Variants in VPS13D observed in about 807,000 individuals in gnomAD.
VPS13D encodes the protein intermembrane lipid transfer protein VPS13D.
A neutral mutation model predicts 461.9 loss-of-function variants in VPS13D; 187 were observed. That is an observed-to-expected ratio of 0.40 (90% CI 0.36 to 0.46). VPS13D has a LOEUF of 0.46. Among genes scored for constraint, VPS13D ranks in the 20% least tolerant of loss-of-function variants. VPS13D has a pLI of 0.60. For missense variants in VPS13D, 4,711 were observed against 5,364.9 expected (o/e 0.88, Z 3.81); for synonymous variants, 1,951 against 1,986.3 (o/e 0.98, Z 0.47).
intron 17 of VPS13D, 114 bp from the exon 18 acceptor site, chr1:12,272,889 T>C (rs1405595466): frequency 2.2e-5 from 32 of 1,431,080 alleles, no homozygotes; most frequent in Non-Finnish European, 2.4e-5. Context: ...TGTAATACAT[T>C]AGATCACTGA....
At chr1:12,268,425 T>C (rs1286230366) in intron 15 of VPS13D, among the ~76,000 whole-genome samples, 1 of 152,036 alleles carries the variant, frequency 6.6e-6, no homozygotes, top group African/African-American at 2.4e-5. Context: ...CCTCTCTCAG[T>C]GGAGCTGCGA....
chr1:12,400,353 T>G, intron 61 of VPS13D, 23 bp downstream of exon 61: 1 of 1,612,702 alleles, frequency 6.2e-7, no homozygotes, highest in Non-Finnish European at 8.5e-7. Flanking sequence ...AGGAGGCTGG[T>G]GGGTTGATGC....
At chr1:12,312,048 T>C (rs555815253) in intron 29 of VPS13D, 123 bp downstream of exon 29, 4 of 623,502 alleles carry the variant, frequency 6.4e-6, no homozygotes, top group African/African-American at 4.1e-5. Flanking sequence ...GTCTGCAGAG[T>C]GTCTTTTGGT....
In VPS13D at chr1:12,474,000, G is replaced by A. The variant is rs1490076905; in HGVS notation, c.12662+13604G>A. 6.6e-6 allele frequency among the ~76,000 whole-genome samples: 1 copy of A among 152,166 alleles called. No homozygotes were observed. The highest frequency in any genetic ancestry group is 6.5e-5 in the Admixed American group (1 of 15,276). On this transcript the variant is annotated intron_variant, in intron 67 of 69. Coordinates refer to ENST00000620676, the MANE Select transcript of VPS13D (RefSeq NM_015378.4). The surrounding 1 kb of genome is among the most constrained non-coding windows in gnomAD (Gnocchi z 4.2). ...GAAGAGCAGGTGACCCCAAACTATT[G>A]TTAGTGTCTGCTGTAAATGATATGC...
At chr1:12,345,160 T>C in intron 42 of VPS13D, 1 of 488,292 alleles carries the variant, frequency 2.0e-6, no homozygotes. Flanking sequence ...CCACTCTTAC[T>C]CAGTCAAGCT....
At chr1:12,302,374 G>A (rs1324202018) in intron 25 of VPS13D, among the ~76,000 whole-genome samples, 5 of 152,160 alleles carry the variant, frequency 3.3e-5, no homozygotes, top group Non-Finnish European at 7.3e-5. Context: ...TCCTAAAAAG[G>A]TACTGGCCAG....
At chr1:12,244,778 G>C (rs1262544558) in intron 5 of VPS13D, among the ~76,000 whole-genome samples, 161 bp downstream of exon 5, 1 of 152,148 alleles carries the variant, frequency 6.6e-6, no homozygotes, top group African/African-American at 2.4e-5. Flanking sequence ...TGTGCCAAGA[G>C]GAAAACCTGA....
At chr1:12,314,461 A>G in intron 30 of VPS13D, 134 bp downstream of exon 30, 1 of 819,980 alleles carries the variant, frequency 1.2e-6, no homozygotes, top group African/African-American at 1.7e-5. Flanking sequence ...TAATCAGTGC[A>G]GTGTACTGTA....
At chr1:12,381,979 T>TCC in intron 57 of VPS13D, among the ~76,000 whole-genome samples, 1 of 141,162 alleles carries the variant, frequency 7.1e-6, no homozygotes, top group Admixed American at 7.3e-5. Flanking sequence ...TCTTTCTTTC[T>TCC]TTCTCTCTCT....
Position 12,279,678 on chromosome 1 carries a change from C to T in VPS13D, c.4602+28C>T. The stretch of plus-strand genomic sequence containing the variant: ...AAATTCATGTCAGGGCAGTTGAAGT[C>T]ATATGTTTATATTAGTACTCTATAA... On this transcript the variant is annotated intron_variant, in intron 20 of 69. Transcript: ENST00000620676. This position sits in a 1 kb window ranked among gnomAD's most constrained non-coding sequence, Gnocchi z 4.3. The T allele has an allele frequency of 1.3e-6, 2 of 1,593,152 alleles. No individual in the cohort carries two copies. Among genetic ancestry groups the T allele is most frequent in the Non-Finnish European group, 1.7e-6 (2 of 1,166,040 alleles).
intron 62 of VPS13D, among the ~76,000 whole-genome samples, chr1:12,403,181 A>T (rs915005889): frequency 6.6e-6 from 1 of 152,258 alleles, no homozygotes; most frequent in African/African-American, 2.4e-5. Flanking sequence ...TTGGATGTGC[A>T]TACAGCATCA....
chr1:12,333,615 G>T (rs934180188), intron 38 of VPS13D, among the ~76,000 whole-genome samples: 10 of 152,202 alleles, frequency 6.6e-5, no homozygotes, highest in African/African-American at 2.4e-4. Context: ...GTAAATGGCC[G>T]TGATGGACTT....
chr1:12,390,315 C>G (rs1324742152), intron 60 of VPS13D, among the ~76,000 whole-genome samples: 3 of 152,114 alleles, frequency 2.0e-5, no homozygotes, highest in African/African-American at 7.2e-5. Flanking sequence ...GAACTTTGCC[C>G]CAGCTATTAT....
At chr1:12,329,195 A>G (rs2101549031) in intron 36 of VPS13D, among the ~76,000 whole-genome samples, 1 of 152,160 alleles carries the variant, frequency 6.6e-6, no homozygotes, top group African/African-American at 2.4e-5. Context: ...TTTTTCAGGT[A>G]GAAATATCTT....
chr1:12,244,576 G>A lies in VPS13D; in HGVS notation c.406G>A (p.Val136Ile), dbSNP rs745357906. 5 of 1,614,228 alleles carry A rather than the reference G, an allele frequency of 3.1e-6. No individual in the cohort carries two copies. The highest frequency in any genetic ancestry group is 4.2e-6 in the Non-Finnish European group (5 of 1,180,038). Residue 136 changes from valine (V) to isoleucine (I), a missense_variant, in exon 5 of 70, where the codon GTT becomes ATT. Physicochemically the swap from Val to Ile is conservative, Grantham distance 29 (BLOSUM62 3). Coordinates refer to ENST00000620676, the MANE Select transcript of VPS13D (RefSeq NM_015378.4). ...GAAAGGGGAGTCCTATTGGTATTCA[G>A]TTACCGCCTCCGTAGTTACAAGGAT... ...QQKGESYWYS[V>I]TASVVTRIVE...
At chr1:12,261,735 T>C (rs1170582946) in intron 12 of VPS13D, among the ~76,000 whole-genome samples, 166 bp from the exon 13 acceptor site, 1 of 152,224 alleles carries the variant, frequency 6.6e-6, no homozygotes, top group Non-Finnish European at 1.5e-5. Context: ...TAGGGTTGTT[T>C]TACATTAGGA....
intron 55 of VPS13D, 95 bp from the exon 56 acceptor site, chr1:12,378,333 A>G: frequency 1.7e-6 from 2 of 1,188,118 alleles, no homozygotes; most frequent in Non-Finnish European, 2.2e-6. Flanking sequence ...CCTATATGAG[A>G]ACTTATTTAG....
intron 67 of VPS13D, among the ~76,000 whole-genome samples, chr1:12,479,270 A>G (rs1300281475): frequency 6.6e-6 from 1 of 152,228 alleles, no homozygotes; most frequent in African/African-American, 2.4e-5. Context: ...AAAGTGGGCG[A>G]AGGGGTAGTT....
intron 67 of VPS13D, among the ~76,000 whole-genome samples, chr1:12,465,771 C>T (rs902922704): frequency 2.0e-5 from 3 of 152,110 alleles, no homozygotes; most frequent in African/African-American, 7.2e-5. Flanking sequence ...TATGACTCTC[C>T]AGGATAAAAG....
Sources: allele counts gnomAD v4.1 joint callset (sites outside exome capture counted in the v4.1 genomes callset), GRCh38; gene constraint gnomAD v4.1.1; non-coding constraint Gnocchi (gnomAD v3.1); transcripts MANE v1.5; gene names NCBI Gene and HGNC (gene_info 2026-07-23, HGNC 2026-07-21).